GRIN2A: variants seen among roughly 807,000 people sequenced by gnomAD.
The protein encoded by GRIN2A is glutamate receptor ionotropic, NMDA 2A.
GRIN2A carries 22 observed loss-of-function variants against 113.4 expected under a neutral mutation model. The ratio of observed to expected loss-of-function variants is 0.19; its 90% confidence interval spans 0.14 to 0.28. The LOEUF (loss-of-function observed/expected upper bound fraction) is 0.28. Among genes scored for constraint, GRIN2A ranks in the 10% least tolerant of loss-of-function variants. GRIN2A has a pLI of 1.00. For synonymous variants in GRIN2A, 827 were observed against 738.4 expected, an observed-to-expected ratio of 1.12 and a Z score of -1.94; for missense variants, 1,502 against 1,887.0, an observed-to-expected ratio of 0.80 and a Z score of 3.78.
At chr16:9,839,897 C>A (rs553899736) in intron 7 of GRIN2A, among the ~76,000 whole-genome samples, 98 of 152,058 alleles carry the variant, frequency 6.4e-4, no homozygotes, top group South Asian at 3.3e-3. Context: ...AAGAACTGCC[C>A]GAGGATCACT....
intron 9 of GRIN2A, among the ~76,000 whole-genome samples, chr16:9,827,278 T>C (rs961812501): frequency 6.6e-6 from 1 of 152,168 alleles, no homozygotes; most frequent in African/African-American, 2.4e-5. Context: ...AAACACAGTG[T>C]GTTATCTGCT....
In GRIN2A at chr16:9,761,677, G is replaced by T. The variant is rs901139151; in HGVS notation, c.*1472C>A. 1 of 227,128 alleles carries T rather than the reference G, an allele frequency of 4.4e-6. No individual in the cohort carries two copies. The highest frequency in any genetic ancestry group is 2.2e-5 in the African/African-American group (1 of 44,930). The allele number at this position is 227,128 out of a possible 1,614,324, so 14.1% of individuals were successfully genotyped here. A position where few individuals can be genotyped will look rare whatever the true frequency, so the allele number is the denominator to read the frequency against. ...TTTGTGGCAGGCACTGTGCTAACAG[G>T]CTCCCCATGCATAAGTATTCCCCTC... is the stretch of plus-strand genomic sequence containing the variant. On this transcript the variant is annotated 3_prime_UTR_variant, in exon 13 of 13. Transcript: ENST00000330684.
At chr16:9,863,881 G>A (rs1375312582) in intron 4 of GRIN2A, among the ~76,000 whole-genome samples, 1 of 152,100 alleles carries the variant, frequency 6.6e-6, no homozygotes, top group East Asian at 1.9e-4. Context: ...GCTGCTTCTT[G>A]GAGGAGAAAA....
intron 2 of GRIN2A, among the ~76,000 whole-genome samples, chr16:10,104,074 T>C (rs2048448987): frequency 6.6e-6 from 1 of 152,224 alleles, no homozygotes; most frequent in African/African-American, 2.4e-5. Flanking sequence ...GATACAATAT[T>C]TGTGAAGGGA....
chr16:9,765,409 C>A (rs1319356957), intron 12 of GRIN2A, among the ~76,000 whole-genome samples: 1 of 152,222 alleles, frequency 6.6e-6, no homozygotes, highest in Non-Finnish European at 1.5e-5. Context: ...ATTGTTAATT[C>A]TTTTCTGGAA....
chr16:9,932,295 T>A (rs1381192059), intron 3 of GRIN2A, among the ~76,000 whole-genome samples: 1 of 152,228 alleles, frequency 6.6e-6, no homozygotes, highest in African/African-American at 2.4e-5. Context: ...AAAGACATTT[T>A]TTGAATGAAC....
Position 10,098,443 on chromosome 16 carries a change from C to A in GRIN2A, c.414+81555G>T, listed in dbSNP as rs538298944. Among the ~76,000 whole-genome samples the A allele has an allele frequency of 3.0e-4, 46 of 152,252 alleles. 1 individual carries two copies. In the South Asian group the frequency reaches 9.6e-3, roughly 32 times the overall value. On this transcript the variant is annotated intron_variant, in intron 2 of 12. Transcript: ENST00000330684. ...AGAACTACCATTTGGCACAGCAATC[C>A]CACTACTGGGTATCTACCCAGAGGA...
At chr16:10,151,813 A>G (rs6497730) in intron 2 of GRIN2A, among the ~76,000 whole-genome samples, 84,494 of 152,028 alleles carry the variant, frequency 0.56, 24,657 homozygotes, top group East Asian at 0.91. Flanking sequence ...GGAATTACCA[A>G]CGTGTTATAA....
At chr16:9,906,562 A>G (rs541397204) in intron 3 of GRIN2A, among the ~76,000 whole-genome samples, 1 of 152,314 alleles carries the variant, frequency 6.6e-6, no homozygotes, top group South Asian at 2.1e-4. Context: ...TATTGCAACT[A>G]GAAGGGATCA....
At chr16:9,931,948 A>C (rs773151198) in intron 3 of GRIN2A, among the ~76,000 whole-genome samples, 2 of 152,236 alleles carry the variant, frequency 1.3e-5, no homozygotes, top group African/African-American at 4.8e-5. Context: ...ATATGCTTGA[A>C]CCAAGCCCCA....
intron 2 of GRIN2A, among the ~76,000 whole-genome samples, chr16:9,940,280 C>T (rs756177092): frequency 2.0e-5 from 3 of 152,150 alleles, no homozygotes; most frequent in Non-Finnish European, 4.4e-5. Context: ...TTGAGTGAAG[C>T]ATGGCCTGAA....
chr16:9,787,663 G>A (rs1902312345), intron 11 of GRIN2A, among the ~76,000 whole-genome samples: 1 of 152,184 alleles, frequency 6.6e-6, no homozygotes, highest in African/African-American at 2.4e-5. Context: ...TACAAGGACT[G>A]AGATGATTTT....
chr16:9,822,796 G>A (rs541261021), intron 9 of GRIN2A, among the ~76,000 whole-genome samples: 1 of 152,234 alleles, frequency 6.6e-6, no homozygotes, highest in South Asian at 2.1e-4. Flanking sequence ...TGAATGAGCT[G>A]AACTTAAGGT....
chr16:9,906,582 T>C (rs193023305), intron 3 of GRIN2A, among the ~76,000 whole-genome samples: 13 of 152,302 alleles, frequency 8.5e-5, no homozygotes, highest in African/African-American at 3.1e-4. Context: ...ACTGTCTTTC[T>C]GGATTAAAAA....
Position 9,764,896 on chromosome 16 carries a change from G to A in GRIN2A, c.2648C>T (p.Pro883Leu), listed in dbSNP as rs2141138257. The stretch of plus-strand genomic sequence containing the variant: ...CTGGGATCCCGTCAGATTGAAGTCT[G>A]GAGACTTCTTCTTTTCTTCAATGTG... ...GVHIEEKKKSPDFNLTGSQSN... is the reference protein window; with the variant it reads ...GVHIEEKKKSLDFNLTGSQSN... Residue 883 changes from proline (P) to leucine (L), a missense_variant, in exon 13 of 13, where the codon CCA becomes CTA. Coordinates refer to ENST00000330684, the MANE Select transcript of GRIN2A (RefSeq NM_001134407.3). 6.2e-7 allele frequency: 1 copy of A among 1,613,732 alleles called. No individual in the cohort carries two copies. Among genetic ancestry groups the A allele is most frequent in the Non-Finnish European group, 8.5e-7 (1 of 1,179,626 alleles).
At chr16:9,776,952 T>A (rs570663332) in intron 11 of GRIN2A, among the ~76,000 whole-genome samples, 2 of 152,142 alleles carry the variant, frequency 1.3e-5, no homozygotes, top group African/African-American at 4.8e-5. Flanking sequence ...GGACACAGAA[T>A]TGGGGCCAAA....
In GRIN2A at chr16:9,839,642, G is replaced by A. The variant is rs72781978; in HGVS notation, c.1651+1005C>T. On this transcript the variant is annotated intron_variant, in intron 7 of 12. Transcript: ENST00000330684. ...TCTTTGTGGGATGGAGGATGGATAT[G>A]TAGATGCTGAATAAAGGTCTATGAG... Among the ~76,000 whole-genome samples the A allele has an allele frequency of 4.4e-3, 677 of 152,322 alleles. 1 individual carries two copies. Among genetic ancestry groups the A allele is most frequent in the Non-Finnish European group, 7.6e-3 (514 of 68,026 alleles).
intron 2 of GRIN2A, among the ~76,000 whole-genome samples, chr16:10,063,225 G>T (rs902461177): frequency 6.6e-6 from 1 of 152,164 alleles, no homozygotes; most frequent in East Asian, 1.9e-4. Flanking sequence ...GATGATAAGT[G>T]TGAGGAGAGC....
At chr16:9,979,781 G>A (rs958245132) in intron 2 of GRIN2A, among the ~76,000 whole-genome samples, 4 of 85,752 alleles carry the variant, frequency 4.7e-5, no homozygotes, top group African/African-American at 1.1e-4. Flanking sequence ...AAGGGACTAT[G>A]GGACTATATA....
Sources: allele counts gnomAD v4.1 joint callset (sites outside exome capture counted in the v4.1 genomes callset), GRCh38; gene constraint gnomAD v4.1.1; transcripts MANE v1.5; gene names NCBI Gene and HGNC (gene_info 2026-07-23, HGNC 2026-07-21).